The following MYO1B variants were observed in gnomAD, a reference collection of about 807,000 sequenced individuals.
MYO1B encodes the protein myosin IB.
Under a neutral mutation model 159.7 loss-of-function variants are expected in MYO1B, and 72 were observed. The ratio of observed to expected loss-of-function variants is 0.45; its 90% confidence interval spans 0.37 to 0.55. The LOEUF is 0.55. Among genes scored for constraint, MYO1B ranks in the 20% least tolerant of loss-of-function variants. The probability of loss-of-function intolerance (pLI) is 0.00; values close to 1 mark genes in which losing one functional copy is unlikely to be tolerated. For missense variants in MYO1B, 1,062 were observed against 1,364.8 expected, an observed-to-expected ratio of 0.78 and a Z score of 3.50; for synonymous variants, 468 against 473.8, an observed-to-expected ratio of 0.99 and a Z score of 0.16.
chr2:191,293,896 A>G (rs1287207180), intron 2 of MYO1B, among the ~76,000 whole-genome samples: 1 of 152,194 alleles, frequency 6.6e-6, no homozygotes, highest in Non-Finnish European at 1.5e-5. Context: ...AACACATGGC[A>G]TATAGGCTGA....
chr2:191,400,284 G>A (rs1696527163), intron 21 of MYO1B, 98 bp from the exon 22 acceptor site: 4 of 1,248,892 alleles, frequency 3.2e-6, no homozygotes, highest in African/African-American at 1.5e-5. Context: ...ACAATAGCAT[G>A]GGTGTTAGGA....
intron 7 of MYO1B, among the ~76,000 whole-genome samples, chr2:191,356,519 G>A (rs897377771): frequency 6.6e-6 from 1 of 151,938 alleles, no homozygotes; most frequent in Non-Finnish European, 1.5e-5. Context: ...CTTTATCTCA[G>A]TTTTACTTTG....
At chr2:191,311,692 ACT>A (rs553538518) in intron 3 of MYO1B, among the ~76,000 whole-genome samples, 2 of 152,340 alleles carry the variant, frequency 1.3e-5, no homozygotes, top group South Asian at 4.1e-4. Flanking sequence ...AAAATGGCAG[ACT>A]CTCATCTAAG....
intron 13 of MYO1B, among the ~76,000 whole-genome samples, chr2:191,378,094 A>G (rs934238893): frequency 1.3e-5 from 2 of 151,298 alleles, no homozygotes; most frequent in South Asian, 4.2e-4. Flanking sequence ...CCAGGAGAAT[A>G]CTCTCTCCTT....
Position 191,424,295 on chromosome 2 carries a change from A to G in MYO1B, c.*335A>G, listed in dbSNP as rs1698116220. ...ATATAAGCATAGGAAATGGTCTTAA[A>G]AGATACTGCATTCATTCATCAGATA... is the stretch of plus-strand genomic sequence containing the variant. On this transcript the variant is annotated 3_prime_UTR_variant, in exon 31 of 31. Coordinates refer to ENST00000392318, the MANE Select transcript of MYO1B (RefSeq NM_001130158.3). 2 of 223,378 alleles carry G rather than the reference A, an allele frequency of 9.0e-6. No individual in the cohort carries two copies. The highest frequency in any genetic ancestry group is 2.4e-4 in the South Asian group (2 of 8,340). 13.8% of individuals were successfully genotyped at this position (223,378 alleles called of 1,614,324 possible). A position where few individuals can be genotyped will look rare whatever the true frequency, so the allele number is the denominator to read the frequency against.
At chr2:191,364,331 CAT>C (rs1457405678) in intron 11 of MYO1B, 55 bp downstream of exon 11, 1 of 1,378,108 alleles carries the variant, frequency 7.3e-7, no homozygotes, top group African/African-American at 1.4e-5. Context: ...TGCTAATTTT[CAT>C]ATAAGTATAA....
chr2:191,275,170 C>CTGG (rs1045861286), intron 1 of MYO1B, among the ~76,000 whole-genome samples: 98 of 152,268 alleles, frequency 6.4e-4, no homozygotes, highest in African/African-American at 2.3e-3. Flanking sequence ...TCCCAAAGTG[C>CTGG]TGGGATTACA....
chr2:191,256,564 A>G (rs1310264993), intron 1 of MYO1B, among the ~76,000 whole-genome samples: 1 of 152,170 alleles, frequency 6.6e-6, no homozygotes, highest in Non-Finnish European at 1.5e-5. Context: ...TTTGGAAAAT[A>G]TGGGGAGAAA....
chr2:191,249,913 C>G (rs1003859633), intron 1 of MYO1B, among the ~76,000 whole-genome samples: 1 of 152,186 alleles, frequency 6.6e-6, no homozygotes, highest in Non-Finnish European at 1.5e-5. Flanking sequence ...AGGTGAGCAC[C>G]TTCCAACTTA....
intron 3 of MYO1B, among the ~76,000 whole-genome samples, chr2:191,326,287 T>C (rs896683521): frequency 1.8e-4 from 27 of 152,114 alleles, no homozygotes; most frequent in Non-Finnish European, 3.2e-4. Flanking sequence ...TAGTTATAAA[T>C]GTTGGAGCTG....
At chr2:191,269,018 A>G (rs1687305762) in intron 1 of MYO1B, among the ~76,000 whole-genome samples, 1 of 152,226 alleles carries the variant, frequency 6.6e-6, no homozygotes, top group Non-Finnish European at 1.5e-5. Context: ...TACATAACAT[A>G]AAATCTACCA....
intron 14 of MYO1B, among the ~76,000 whole-genome samples, chr2:191,381,811 G>T (rs924231007): frequency 2.6e-5 from 4 of 152,186 alleles, no homozygotes; most frequent in African/African-American, 9.6e-5. Flanking sequence ...TTTGGGGACT[G>T]ATAATGGTGG....
chr2:191,422,628 G>C (rs1193252269), intron 30 of MYO1B, among the ~76,000 whole-genome samples: 1 of 152,122 alleles, frequency 6.6e-6, no homozygotes, highest in Non-Finnish European at 1.5e-5. Context: ...TGCATATTCT[G>C]TAGGTCACTA....
At position 191,390,311 on chromosome 2, in the gene MYO1B, A is replaced by G. The variant is rs567973879; in HGVS notation, c.1801A>G (p.Lys601Glu). 6.2e-7 allele frequency: 1 copy of G among 1,613,558 alleles called. No individual in the cohort carries two copies. Among genetic ancestry groups the G allele is most frequent in the East Asian group, 2.2e-5 (1 of 44,876 alleles). Residue 601 changes from lysine to glutamate, a missense_variant, in exon 18 of 31, where the codon AAA becomes GAA. This residue lies in a region of MYO1B where 609 missense variants were observed against 744.4 expected (regional missense o/e 0.82). Transcript: ENST00000392318. ...NYIRCIKPNDKKAAHIFNEAL... is the reference protein window; with the variant it reads ...NYIRCIKPNDEKAAHIFNEAL... The stretch of plus-strand genomic sequence containing the variant: ...TTTAAGGTGTATCAAACCGAATGAT[A>G]AAAAAGCAGCACACATCTTCAACGA...
intron 26 of MYO1B, among the ~76,000 whole-genome samples, chr2:191,410,014 A>G (rs1170395292): frequency 2.0e-5 from 3 of 152,226 alleles, no homozygotes; most frequent in African/African-American, 7.2e-5. Flanking sequence ...ATAGAGTGAC[A>G]TTATTGCTGA....
At chr2:191,282,637 C>A (rs1688131336) in intron 2 of MYO1B, among the ~76,000 whole-genome samples, 1 of 152,216 alleles carries the variant, frequency 6.6e-6, no homozygotes, top group Admixed American at 6.5e-5. Context: ...GATGTGTAAT[C>A]TTCAAGATTA....
At chr2:191,291,036 G>T (rs566162238) in intron 2 of MYO1B, among the ~76,000 whole-genome samples, 5 of 152,100 alleles carry the variant, frequency 3.3e-5, no homozygotes, top group African/African-American at 1.2e-4. Context: ...ACCCCTGGCC[G>T]TTCCCTACAT....
intron 1 of MYO1B, among the ~76,000 whole-genome samples, chr2:191,257,688 A>G (rs1293572872): frequency 6.6e-6 from 1 of 152,196 alleles, no homozygotes; most frequent in Admixed American, 6.5e-5. Flanking sequence ...AATAATGCTG[A>G]CATAGATTTG....
chr2:191,337,456 T>C (rs532484087), intron 4 of MYO1B, among the ~76,000 whole-genome samples: 58 of 152,312 alleles, frequency 3.8e-4, no homozygotes, highest in Non-Finnish European at 7.8e-4. Context: ...TTGTAGAAAT[T>C]AATTCTGATC....
Sources: gnomAD v4.1 joint callset for allele counts (sites outside exome capture counted in the v4.1 genomes callset) on GRCh38, gnomAD v4.1.1 for gene constraint, gnomAD v4.1.1 regional missense constraint, MANE v1.5 for transcripts, NCBI Gene and HGNC (gene_info 2026-07-23, HGNC 2026-07-21) for gene names.